SLC17A8: variants seen among roughly 807,000 people sequenced by gnomAD.
SLC17A8 encodes the protein solute carrier family 17 member 8, also known as vesicular glutamate transporter 3.
In SLC17A8, 31 loss-of-function variants were observed where a neutral mutation model predicts 58.0. The ratio of observed to expected loss-of-function variants is 0.53; its 90% CI spans 0.40 to 0.72. The LOEUF is 0.72. Among genes scored for constraint, SLC17A8 ranks in the 30% least tolerant of loss-of-function variants. SLC17A8 has a pLI of 0.00. For synonymous variants in SLC17A8, 228 were observed against 249.0 expected, an observed-to-expected ratio of 0.92 and a Z score of 0.79; for missense variants, 655 against 727.8, an observed-to-expected ratio of 0.90 and a Z score of 1.15.
chr12:100,388,551 T>C (rs1952691948), intron 2 of SLC17A8, among the ~76,000 whole-genome samples: 1 of 152,356 alleles, frequency 6.6e-6, no homozygotes, highest in East Asian at 1.9e-4. Context: ...ATAGAGAGTA[T>C]AGGCCAAAGT....
rs142237710 is a variant in SLC17A8, at chr12:100,369,918, G to A, written c.102-10783G>A. Among the ~76,000 whole-genome samples the A allele has an allele frequency of 9.4e-4, 143 of 152,272 alleles. 1 individual carries two copies. Among genetic ancestry groups the A allele is most frequent in the African/African-American group, 3.2e-3 (131 of 41,558 alleles). On this transcript the variant is annotated intron_variant, in intron 1 of 11. Transcript: ENST00000323346. ...AAGTATAACGTTAAATGGCAACTGA[G>A]CTCACTATGGAAGTGACAATAGGGA...
chr12:100,377,858 G>T (rs1199904533), intron 1 of SLC17A8, among the ~76,000 whole-genome samples: 1 of 152,148 alleles, frequency 6.6e-6, no homozygotes, highest in East Asian at 1.9e-4. Context: ...AAAGTGCTGG[G>T]ATTACAGGCG....
chr12:100,402,433 A>G lies in SLC17A8; in HGVS notation c.857A>G (p.Tyr286Cys). Residue 286 changes from tyrosine to cysteine, a missense_variant, in exon 7 of 12, where the codon TAT (tyrosine) becomes TGT (cysteine). Transcript: ENST00000323346. ...ACAATATCCAATGAGGAGAAGACCT[A>G]TATAGAGACAAGCATAGGAGAGGGG... ...HPTISNEEKTYIETSIGEGAN... is the reference protein window; with the variant it reads ...HPTISNEEKTCIETSIGEGAN... 1 of 1,614,184 alleles carries G rather than the reference A, an allele frequency of 6.2e-7. No homozygotes were observed. The highest frequency in any genetic ancestry group is 1.3e-5 in the African/African-American group (1 of 75,062).
chr12:100,420,895 T>C lies in SLC17A8; in HGVS notation c.*736T>C, dbSNP rs1952943942. On this transcript the variant is annotated 3_prime_UTR_variant, in exon 12 of 12. Coordinates refer to ENST00000323346, the MANE Select transcript of SLC17A8 (RefSeq NM_139319.3). ...GTTGATGAGGCAGAGGGGATTCAAA[T>C]GTGTGAGAGGCTAGATTCAAAGACC... is the stretch of plus-strand genomic sequence containing the variant. 1 of 152,244 alleles carries C rather than the reference T, an allele frequency of 6.6e-6. No individual in the cohort carries two copies. The highest frequency in any genetic ancestry group is 2.4e-5 in the African/African-American group (1 of 41,448). 9.4% of individuals were successfully genotyped at this position (152,244 alleles called of 1,614,324 possible).
intron 9 of SLC17A8, among the ~76,000 whole-genome samples, chr12:100,405,274 A>G (rs1446399706): frequency 6.6e-6 from 1 of 152,210 alleles, no homozygotes. Flanking sequence ...GGTGGGCAGG[A>G]GGTGAAGCTC....
Position 100,421,629 on chromosome 12 carries a change from G to T in SLC17A8, c.*1470G>T, listed in dbSNP as rs1259961815. ...AAAATATAATACGGAAAAAATTATA[G>T]ATTTACTTGTAGCTTATTATTGTAA... On this transcript the variant is annotated 3_prime_UTR_variant, in exon 12 of 12. Coordinates refer to ENST00000323346, the MANE Select transcript of SLC17A8 (RefSeq NM_139319.3). 1 of 136,374 alleles carries T rather than the reference G, an allele frequency of 7.3e-6. No homozygotes were observed. Among genetic ancestry groups the T allele is most frequent in the East Asian group, 2.2e-4 (1 of 4,536 alleles). 8.4% of individuals were successfully genotyped at this position (136,374 alleles called of 1,614,324 possible).
At chr12:100,382,337 T>C (rs539487224) in intron 2 of SLC17A8, among the ~76,000 whole-genome samples, 1 of 152,332 alleles carries the variant, frequency 6.6e-6, no homozygotes. Flanking sequence ...GCAAGGATAC[T>C]TCGAAGTGAC....
chr12:100,395,250 A>G (rs1952744712), intron 4 of SLC17A8, among the ~76,000 whole-genome samples: 1 of 152,132 alleles, frequency 6.6e-6, no homozygotes, highest in Admixed American at 6.5e-5. Flanking sequence ...TAGCTCAATC[A>G]TGCTGTTTAG....
At chr12:100,396,308 C>G in intron 4 of SLC17A8, 22 bp from the exon 5 acceptor site, 1 of 1,588,774 alleles carries the variant, frequency 6.3e-7, no homozygotes, top group Non-Finnish European at 8.6e-7. Context: ...ATCAACTAAT[C>G]TATTTTCAAC....
chr12:100,381,618 T>C (rs1952638729), intron 2 of SLC17A8, among the ~76,000 whole-genome samples: 1 of 151,982 alleles, frequency 6.6e-6, no homozygotes. Flanking sequence ...TAGGTATATT[T>C]TAGGAACTGA....
chr12:100,412,721 T>TCCCAA, intron 9 of SLC17A8, 49 bp from the exon 10 acceptor site: 2 of 1,200,046 alleles, frequency 1.7e-6, no homozygotes, highest in Non-Finnish European at 2.5e-6. Context: ...GAACTTGGGT[T>TCCCAA]GACCGATATG....
At chr12:100,416,475 A>T (rs764667415) in intron 10 of SLC17A8, among the ~76,000 whole-genome samples, 4 of 152,218 alleles carry the variant, frequency 2.6e-5, no homozygotes, top group Non-Finnish European at 5.9e-5. Context: ...GAAGGGAAGT[A>T]GGAAAGACAA....
chr12:100,402,474 CTAAGTG>C lies in SLC17A8; in HGVS notation c.903+1_903+6del, dbSNP rs1366688487. 3.1e-6 allele frequency: 5 copies of C among 1,613,818 alleles called. No homozygotes were observed. The highest frequency in any genetic ancestry group is 2.7e-5 in the African/African-American group (2 of 74,868). ...AGGAGAGGGGGCCAACGTGGTTAGT[CTAAGTG>C]TAAGTATAAAAAGTCAGATGAAGAC... On this transcript the variant is annotated splice_donor_variant and coding_sequence_variant, in exon 7 of 12. Coordinates refer to ENST00000323346, the MANE Select transcript of SLC17A8 (RefSeq NM_139319.3). LOFTEE classifies it high-confidence loss of function.
chr12:100,390,279 A>G (rs1325868656), intron 2 of SLC17A8, among the ~76,000 whole-genome samples: 2 of 151,914 alleles, frequency 1.3e-5, no homozygotes, highest in African/African-American at 4.8e-5. Flanking sequence ...AAATACATAT[A>G]TATTTAAATT....
intron 2 of SLC17A8, among the ~76,000 whole-genome samples, chr12:100,386,543 A>G (rs957136439): frequency 2.6e-5 from 4 of 152,186 alleles, no homozygotes; most frequent in Admixed American, 1.3e-4. Context: ...TATGTCATGT[A>G]GGTGGAATCA....
intron 2 of SLC17A8, among the ~76,000 whole-genome samples, chr12:100,385,683 C>A (rs566276427): frequency 1.6e-4 from 24 of 152,246 alleles, no homozygotes; most frequent in African/African-American, 5.3e-4. Flanking sequence ...ACCCTCATTG[C>A]CCTTATTGTG....
At chr12:100,417,914 C>T in intron 10 of SLC17A8, 115 bp from the exon 11 acceptor site, 1 of 1,307,694 alleles carries the variant, frequency 7.6e-7, no homozygotes, top group Non-Finnish European at 1.1e-6. Flanking sequence ...GGAAACTAGT[C>T]ATATACTAGA....
At chr12:100,377,803 G>T (rs1405439348) in intron 1 of SLC17A8, among the ~76,000 whole-genome samples, 2 of 151,990 alleles carry the variant, frequency 1.3e-5, no homozygotes, top group Non-Finnish European at 2.9e-5. Context: ...GGCCAGGCTG[G>T]TCTCGAACTC....
intron 10 of SLC17A8, among the ~76,000 whole-genome samples, chr12:100,415,650 G>A (rs149181385): frequency 2.0e-5 from 3 of 152,148 alleles, no homozygotes; most frequent in Admixed American, 6.5e-5. Flanking sequence ...AGCTGGTCTC[G>A]AACTCCTGGC....
Sources: allele counts gnomAD v4.1 joint callset (sites outside exome capture counted in the v4.1 genomes callset), GRCh38; gene constraint gnomAD v4.1.1; transcripts MANE v1.5; gene names NCBI Gene and HGNC (gene_info 2026-07-23, HGNC 2026-07-21).